CNTNAP5: variants seen among roughly 807,000 people sequenced by gnomAD.
CNTNAP5 encodes contactin associated protein family member 5, also known as contactin-associated protein-like 5.
CNTNAP5 carries 72 observed loss-of-function variants against 150.2 expected under a neutral mutation model. That is an observed-to-expected ratio of 0.48 (90% CI 0.40 to 0.58). The LOEUF (loss-of-function observed/expected upper bound fraction) is 0.58, where lower values mean the gene tolerates loss of function less well. Ranked by LOEUF, CNTNAP5 falls within the 20% of genes least tolerant of loss-of-function variation. The pLI is 0.00. For missense variants in CNTNAP5, 1,636 were observed against 1,626.2 expected (o/e 1.01, Z -0.10); for synonymous variants, 672 against 619.8 (o/e 1.08, Z -1.25).
chr2:124,457,168 C>T (rs2104816531), intron 6 of CNTNAP5, among the ~76,000 whole-genome samples: 1 of 152,232 alleles, frequency 6.6e-6, no homozygotes, highest in African/African-American at 2.4e-5. Flanking sequence ...TCTATACAAT[C>T]TTTGTCACAT....
intron 1 of CNTNAP5, among the ~76,000 whole-genome samples, chr2:124,203,714 A>T (rs7578495): frequency 6.6e-6 from 1 of 152,058 alleles, no homozygotes; most frequent in African/African-American, 2.4e-5. Context: ...TGAAGCAACG[A>T]TATGAGCTTT....
intron 13 of CNTNAP5, among the ~76,000 whole-genome samples, chr2:124,733,856 A>G (rs558739076): frequency 6.6e-6 from 1 of 152,286 alleles, no homozygotes; most frequent in South Asian, 2.1e-4. Context: ...ATCTGCAAAG[A>G]AAGCTTTGAT....
rs192612818 is a variant in CNTNAP5, at chr2:124,214,531, A to C, written c.83-7174A>C. ...AAATTTTGACACCTAGTATGTGCTC[A>C]ATTAAATTGTGTTGATGAAACAAAT... On this transcript the variant is annotated intron_variant, in intron 1 of 23. Coordinates refer to ENST00000682447, the MANE Select transcript of CNTNAP5 (RefSeq NM_001367498.1). Among the ~76,000 whole-genome samples, 5 of 152,266 alleles carry C rather than the reference A, an allele frequency of 3.3e-5. No homozygotes were observed. The East Asian group carries it at 7.7e-4, about 24-fold the overall frequency.
intron 4 of CNTNAP5, among the ~76,000 whole-genome samples, chr2:124,431,149 CATGACAACGTGGAGATGTGTTTTCTTA>C (rs1692369226): frequency 6.6e-6 from 1 of 152,136 alleles, no homozygotes; most frequent in Non-Finnish European, 1.5e-5. Context: ...CTCTAGGTCT[CATGACAACGTGGAGATGTGTTTTCTTA>C]AGAGATAACC....
chr2:124,792,820 T>TGG (rs1681762874), intron 18 of CNTNAP5, among the ~76,000 whole-genome samples: 12 of 152,314 alleles, frequency 7.9e-5, no homozygotes, highest in Non-Finnish European at 4.4e-5. Flanking sequence ...CTTCGCATAA[T>TGG]ATTGTCCCAG....
At chr2:124,492,144 G>A (rs1165607218) in intron 7 of CNTNAP5, among the ~76,000 whole-genome samples, 1 of 151,894 alleles carries the variant, frequency 6.6e-6, no homozygotes. Flanking sequence ...GTCTATTTTT[G>A]CTTTTGTTGC....
intron 19 of CNTNAP5, among the ~76,000 whole-genome samples, chr2:124,830,580 A>G (rs1682693428): frequency 6.6e-6 from 1 of 152,052 alleles, no homozygotes; most frequent in African/African-American, 2.4e-5. Context: ...TAAACACAAA[A>G]CTAGTACCTT....
At chr2:124,411,539 T>A (rs1291761939) in intron 3 of CNTNAP5, among the ~76,000 whole-genome samples, 2 of 146,744 alleles carry the variant, frequency 1.4e-5, no homozygotes, top group South Asian at 4.4e-4. Context: ...CATGATCAAG[T>A]GGGCTTCATC....
intron 10 of CNTNAP5, among the ~76,000 whole-genome samples, chr2:124,536,550 A>G (rs779023712): frequency 6.6e-6 from 1 of 152,190 alleles, no homozygotes; most frequent in Non-Finnish European, 1.5e-5. Flanking sequence ...CAATTCTTAG[A>G]GAGGTTCAGT....
At chr2:124,147,764 ACTC>A (rs1684290818) in intron 1 of CNTNAP5, among the ~76,000 whole-genome samples, 1 of 151,778 alleles carries the variant, frequency 6.6e-6, no homozygotes, top group Non-Finnish European at 1.5e-5. Flanking sequence ...CTCAGAGGGA[ACTC>A]CTGCAGGGCA....
intron 13 of CNTNAP5, 39 bp downstream of exon 13, chr2:124,647,997 G>A (rs928749634): frequency 6.5e-7 from 1 of 1,542,992 alleles, no homozygotes; most frequent in Non-Finnish European, 8.8e-7. Flanking sequence ...GGGATAGATG[G>A]GACCCTCAGA....
chr2:124,108,104 T>C (rs1683207828), intron 1 of CNTNAP5, among the ~76,000 whole-genome samples: 1 of 152,226 alleles, frequency 6.6e-6, no homozygotes, highest in East Asian at 1.9e-4. Flanking sequence ...GAGCGATGGC[T>C]GTCTGTCCTG....
intron 16 of CNTNAP5, among the ~76,000 whole-genome samples, chr2:124,764,901 A>T (rs970123516): frequency 1.3e-5 from 2 of 152,178 alleles, no homozygotes; most frequent in Admixed American, 6.6e-5. Flanking sequence ...CTCTGTTGCG[A>T]TCATAGTAAC....
chr2:124,282,451 C>T (rs1255390676), intron 3 of CNTNAP5, among the ~76,000 whole-genome samples: 1 of 152,102 alleles, frequency 6.6e-6, no homozygotes, highest in Non-Finnish European at 1.5e-5. Flanking sequence ...CCCTACATGC[C>T]AGAGAGTGTT....
chr2:124,487,931 A>G (rs1693928171), intron 7 of CNTNAP5, among the ~76,000 whole-genome samples: 1 of 152,130 alleles, frequency 6.6e-6, no homozygotes, highest in Non-Finnish European at 1.5e-5. Context: ...GGAAGCAGTC[A>G]GTCTCCATGA....
intron 8 of CNTNAP5, among the ~76,000 whole-genome samples, chr2:124,522,844 T>A (rs1694879878): frequency 6.6e-6 from 1 of 152,194 alleles, no homozygotes; most frequent in Non-Finnish European, 1.5e-5. Context: ...TCTTGCTCAC[T>A]TTCCACGACT....
intron 3 of CNTNAP5, among the ~76,000 whole-genome samples, chr2:124,247,419 G>A (rs1365216100): frequency 1.3e-5 from 2 of 152,070 alleles, no homozygotes; most frequent in Non-Finnish European, 2.9e-5. Context: ...ATGTGTATAT[G>A]GTAGCACGGC....
At chr2:124,641,155 A>G (rs950186196) in intron 12 of CNTNAP5, among the ~76,000 whole-genome samples, 3 of 151,108 alleles carry the variant, frequency 2.0e-5, no homozygotes, top group Admixed American at 2.0e-4. Flanking sequence ...AAAAGACAAA[A>G]AAAAGGACGG....
chr2:124,258,450 T>C (rs1462476198), intron 3 of CNTNAP5, among the ~76,000 whole-genome samples: 1 of 152,134 alleles, frequency 6.6e-6, no homozygotes, highest in East Asian at 1.9e-4. Flanking sequence ...TGAGGATGCA[T>C]TTGGGTAAAA....
Sources: allele counts gnomAD v4.1 joint callset (sites outside exome capture counted in the v4.1 genomes callset), GRCh38; gene constraint gnomAD v4.1.1; transcripts MANE v1.5; gene names NCBI Gene and HGNC (gene_info 2026-07-23, HGNC 2026-07-21).